The following DNHD1 variants were observed in gnomAD, a reference collection of about 807,000 sequenced individuals.
DNHD1 encodes dynein heavy chain domain 1.
In DNHD1, 383 loss-of-function variants were observed where a neutral mutation model predicts 458.1. That is an observed-to-expected ratio of 0.84 (90% CI 0.77 to 0.91). The LOEUF (loss-of-function observed/expected upper bound fraction) is 0.91. Ranked by LOEUF, DNHD1 falls within the 40% of genes least tolerant of loss-of-function variation. The probability of loss-of-function intolerance (pLI) is 0.00; values close to 1 mark genes in which losing one functional copy is unlikely to be tolerated. For missense variants in DNHD1, 5,336 were observed against 5,866.1 expected, an observed-to-expected ratio of 0.91 and a Z score of 2.95; for synonymous variants, 2,203 against 2,376.9, an observed-to-expected ratio of 0.93 and a Z score of 2.13.
At chr11:6,570,421 T>C (rs1461664153) in intron 41 of DNHD1, 25 bp downstream of exon 41, 5 of 1,593,664 alleles carry the variant, frequency 3.1e-6, no homozygotes, top group Non-Finnish European at 4.3e-6. Context: ...GGTATCTGTT[T>C]TGGGGTAGGG....
chr11:6,547,363 T>C lies in DNHD1; in HGVS notation c.6424T>C (p.Cys2142Arg), dbSNP rs1853244943. The C allele has an allele frequency of 1.3e-6, 2 of 1,551,630 alleles. No homozygotes were observed. Among genetic ancestry groups the C allele is most frequent in the Admixed American group, 2.0e-5 (1 of 50,986 alleles). Residue 2142 changes from cysteine to arginine, a missense_variant, in exon 21 of 43, where the codon TGT (cysteine) becomes CGT (arginine). Cys to Arg is a radical substitution (Grantham distance 180). Coordinates refer to ENST00000254579, the MANE Select transcript of DNHD1 (RefSeq NM_144666.3). ...TGISPTVVGC[C>R]ALVWCGGEQT... ...CATATCCCCCACAGTGGTAGGCTGTTGTGCCCTAGTCTGGTGTGGTGGAGA... is the reference window on the plus strand; with the variant it reads ...CATATCCCCCACAGTGGTAGGCTGTCGTGCCCTAGTCTGGTGTGGTGGAGA...
Position 6,547,336 on chromosome 11 carries a change from G to A in DNHD1, c.6397G>A (p.Gly2133Ser). ...CTTGATGGAGGTGGCTGACACAACA[G>A]GCATATCCCCCACAGTGGTAGGCTG... ...FLLMEVADTT[G>S]ISPTVVGCCA... Residue 2133 changes from glycine (G) to serine (S), a missense_variant, in exon 21 of 43, where the codon GGC becomes AGC. Gly to Ser is a moderately conservative substitution (Grantham distance 56, BLOSUM62 0). Coordinates refer to ENST00000254579, the MANE Select transcript of DNHD1 (RefSeq NM_144666.3). 6.4e-7 allele frequency: 1 copy of A among 1,551,774 alleles called. No homozygotes were observed. Among genetic ancestry groups the A allele is most frequent in the Non-Finnish European group, 8.7e-7 (1 of 1,147,010 alleles).
At chr11:6,533,251 T>C in intron 13 of DNHD1, 67 bp downstream of exon 13, 1 of 1,451,460 alleles carries the variant, frequency 6.9e-7, no homozygotes, top group Non-Finnish European at 9.3e-7. Context: ...CTCAGCACAC[T>C]CTCTTCAGGT....
intron 24 of DNHD1, among the ~76,000 whole-genome samples, chr11:6,551,728 G>A (rs1016547850): frequency 1.3e-5 from 2 of 152,144 alleles, no homozygotes; most frequent in Non-Finnish European, 2.9e-5. Context: ...AGATCACGAG[G>A]TCAGGAGATG....
chr11:6,546,935 C>T lies in DNHD1; in HGVS notation c.5996C>T (p.Thr1999Ile), dbSNP rs1191058331. ...CTGGGCCCTGCGGGCAGCGGCAAGA[C>T]CACTTGTTGGCACAGCTTATTTAAG... ...LLLGPAGSGKTTCWHSLFKIQ... is the reference protein window; with the variant it reads ...LLLGPAGSGKITCWHSLFKIQ... The change falls in exon 21 of 43, where the codon ACC becomes ATC. Residue 1999 changes from threonine (T) to isoleucine (I), a missense_variant. Around this residue, in one of 4 missense-constraint regions of DNHD1, gnomAD observed 3,932 missense variants for 4,365.6 expected, o/e 0.90. Coordinates refer to ENST00000254579, the MANE Select transcript of DNHD1 (RefSeq NM_144666.3). 6.4e-7 allele frequency: 1 copy of T among 1,551,608 alleles called. No homozygotes were observed. The highest frequency in any genetic ancestry group is 2.4e-5 in the East Asian group (1 of 40,902).
chr11:6,526,911 G>A (rs1437797066), intron 10 of DNHD1, among the ~76,000 whole-genome samples: 1 of 152,116 alleles, frequency 6.6e-6, no homozygotes, highest in African/African-American at 2.4e-5. Flanking sequence ...ACTGTTTGGG[G>A]GTTTTCTTAT....
Position 6,547,800 on chromosome 11 carries a change from C to T in DNHD1, c.6728-63C>T. On this transcript the variant is annotated intron_variant, in intron 21 of 42. Coordinates refer to ENST00000254579, the MANE Select transcript of DNHD1 (RefSeq NM_144666.3). The stretch of plus-strand genomic sequence containing the variant: ...AAAAGTAATACTGTCAACCTTTTTT[C>T]TTTCTTTCACCTTCCACCTTTTTCT... The T allele has an allele frequency of 1.0e-5, 16 of 1,533,206 alleles. No homozygotes were observed. The Admixed American group carries it at 1.9e-4, about 18-fold the overall frequency. The allele number at this position is 1,533,206 out of a possible 1,614,324, so 95.0% of individuals were successfully genotyped here.
rs1853222560 is a variant in DNHD1 at position 6,546,591 on chromosome 11, A to C, written c.5652A>C (p.Thr1884=). The change falls in exon 21 of 43, where the codon ACA becomes ACC. Residue 1884 remains threonine, a synonymous_variant. Transcript: ENST00000254579. ...LPLLKQILED[T]IRTLNVTKEE... The stretch of plus-strand genomic sequence containing the variant: ...TGCTCAAGCAGATACTGGAAGACAC[A>C]ATACGGACACTAAATGTGACCAAGG... 6.4e-7 allele frequency: 1 copy of C among 1,551,826 alleles called. No homozygotes were observed. The highest frequency in any genetic ancestry group is 1.4e-5 in the African/African-American group (1 of 73,176).
chr11:6,529,916 G>A (rs1852792268), intron 12 of DNHD1, among the ~76,000 whole-genome samples: 1 of 152,176 alleles, frequency 6.6e-6, no homozygotes, highest in Admixed American at 6.5e-5. Context: ...GGGTTTTAGT[G>A]AATCCTTCAT....
intron 29 of DNHD1, 34 bp from the exon 30 acceptor site, chr11:6,563,348 G>T: frequency 6.5e-7 from 1 of 1,547,994 alleles, no homozygotes; most frequent in Non-Finnish European, 8.7e-7. Context: ...AACATCTCAG[G>T]AGCTCACTTC....
intron 1 of DNHD1, 89 bp downstream of exon 1, chr11:6,497,420 C>G (rs1435593647): frequency 1.3e-5 from 2 of 152,774 alleles, no homozygotes; most frequent in Non-Finnish European, 2.9e-5. Context: ...CTCCCAGCCC[C>G]CTCCTTTGCC....
At chr11:6,502,676 C>T in intron 3 of DNHD1, 77 bp from the exon 4 acceptor site, 1 of 1,387,438 alleles carries the variant, frequency 7.2e-7, no homozygotes, top group Non-Finnish European at 9.6e-7. Context: ...TTTCACTAGC[C>T]AACAGTGGCA....
chr11:6,558,453 G>A, intron 25 of DNHD1, 32 bp from the exon 26 acceptor site: 1 of 1,550,230 alleles, frequency 6.5e-7, no homozygotes, highest in Non-Finnish European at 8.7e-7. Flanking sequence ...CAAAGGTAAA[G>A]GGGAGGACAT....
At chr11:6,530,226 A>AT (rs1444364149) in intron 12 of DNHD1, among the ~76,000 whole-genome samples, 1 of 151,846 alleles carries the variant, frequency 6.6e-6, no homozygotes, top group Non-Finnish European at 1.5e-5. Flanking sequence ...TCTACTACCT[A>AT]TTTTCTCCTC....
At chr11:6,560,542 A>C (rs776045495) in intron 28 of DNHD1, among the ~76,000 whole-genome samples, 7 of 152,192 alleles carry the variant, frequency 4.6e-5, no homozygotes, top group Non-Finnish European at 1.0e-4. Context: ...TTTTCCCAAG[A>C]TGATTAATAC....
In DNHD1 at chr11:6,566,627, T is replaced by A; in HGVS notation, c.11247T>A (p.Asp3749Glu). Residue 3749 changes from aspartate to glutamate, a missense_variant, in exon 35 of 43, where the codon GAT becomes GAA. Around this residue, in one of 4 missense-constraint regions of DNHD1, gnomAD observed 695 missense variants for 804.2 expected, o/e 0.86. Coordinates refer to ENST00000254579, the MANE Select transcript of DNHD1 (RefSeq NM_144666.3). ...CELLKGLNVL[D>E]LGLNMEILEE... is the part of the protein sequence containing the mutation. Reference sequence around the variant, plus strand: ...TGCTAAAGGGGCTGAATGTGTTGGATCTGGGCCTGAACATGGAAATACTGG... The same window carrying A: ...TGCTAAAGGGGCTGAATGTGTTGGAACTGGGCCTGAACATGGAAATACTGG... 6.2e-7 allele frequency: 1 copy of A among 1,613,858 alleles called. No individual in the cohort carries two copies. Among genetic ancestry groups the A allele is most frequent in the East Asian group, 2.2e-5 (1 of 44,880 alleles).
At chr11:6,519,939 A>T (rs763526268) in intron 8 of DNHD1, 26 bp from the exon 9 acceptor site, 73 of 1,613,690 alleles carry the variant, frequency 4.5e-5, no homozygotes, top group Non-Finnish European at 5.8e-5. Context: ...TAGCCCCTCG[A>T]CCTTTCCTGA....
rs746397574 is a variant in DNHD1, at chr11:6,570,805, C to T, written c.13293C>T (p.Gly4431=). The stretch of plus-strand genomic sequence containing the variant: ...TGTGGGTTCCTGAGTCTCGAAGAGG[C>T]GCCCAGCTTGCGGAAAGGCGACTGC... ...SPVWVPESRR[G]AQLAERRLRQ... is the part of the protein sequence containing the mutation. The change falls in exon 42 of 43, where the codon GGC becomes GGT. Residue 4431 remains glycine (G), a synonymous_variant. Coordinates refer to ENST00000254579, the MANE Select transcript of DNHD1 (RefSeq NM_144666.3). 6.2e-7 allele frequency: 1 copy of T among 1,613,800 alleles called. No homozygotes were observed. Among genetic ancestry groups the T allele is most frequent in the Non-Finnish European group, 8.5e-7 (1 of 1,179,790 alleles).
At chr11:6,524,075 G>T (rs1852659003) in intron 10 of DNHD1, among the ~76,000 whole-genome samples, 1 of 152,094 alleles carries the variant, frequency 6.6e-6, no homozygotes, top group Non-Finnish European at 1.5e-5. Flanking sequence ...TGTTTTGTTG[G>T]TATGTTCTTT....
Sources: gnomAD v4.1 joint callset for allele counts (sites outside exome capture counted in the v4.1 genomes callset) on GRCh38, gnomAD v4.1.1 for gene constraint, gnomAD v4.1.1 regional missense constraint, MANE v1.5 for transcripts, NCBI Gene and HGNC (gene_info 2026-07-23, HGNC 2026-07-21) for gene names.